SSR2: variants seen among roughly 807,000 people sequenced by gnomAD.
The protein encoded by SSR2 is translocon-associated protein subunit beta.
In SSR2, 16 loss-of-function variants were observed where a neutral mutation model predicts 22.6. The ratio of observed to expected loss-of-function variants is 0.71; its 90% CI spans 0.48 to 1.08. SSR2 has a LOEUF of 1.08. Ranked by LOEUF, SSR2 falls within the 50% of genes least tolerant of loss-of-function variation. The probability of loss-of-function intolerance (pLI) is 0.00; values close to 1 mark genes in which losing one functional copy is unlikely to be tolerated. For missense variants in SSR2, 171 were observed against 221.6 expected (o/e 0.77, Z 1.45); for synonymous variants, 83 against 91.2 (o/e 0.91, Z 0.51).
At position 156,014,611 on chromosome 1, in the gene SSR2, G is replaced by A. The variant is rs575059354; in HGVS notation, c.363+350C>T. 5.5e-4 allele frequency: 99 copies of A among 178,834 alleles called. 1 individual carries two copies. The highest frequency in any genetic ancestry group is 2.3e-3 in the African/African-American group (95 of 41,970). The allele number at this position is 178,834 out of a possible 1,614,324, so 11.1% of individuals were successfully genotyped here. On this transcript the variant is annotated intron_variant, in intron 4 of 5. Transcript: ENST00000295702. The stretch of plus-strand genomic sequence containing the variant: ...GGCTGAAGTGCAGTAGTGTGATCTC[G>A]GCTCACTGCAACCTCTGCCTCCTGG...
In SSR2 at chr1:156,009,662, A is replaced by G; in HGVS notation, c.442-12T>C. ...GCTGCCCAGTCCAGCTGTAAAGGAA[A>G]ACAAAGACCTTGCTTAGAAGTCTGG... is the stretch of plus-strand genomic sequence containing the variant. On this transcript the variant is annotated splice_polypyrimidine_tract_variant and intron_variant, in intron 5 of 5. Coordinates refer to ENST00000295702, the MANE Select transcript of SSR2 (RefSeq NM_003145.4). 1 of 1,584,046 alleles carries G rather than the reference A, an allele frequency of 6.3e-7. No homozygotes were observed. Among genetic ancestry groups the G allele is most frequent in the Non-Finnish European group, 8.6e-7 (1 of 1,164,266 alleles).
At chr1:156,015,254 C>A (rs1459869042) in intron 3 of SSR2, among the ~76,000 whole-genome samples, 185 bp from the exon 4 acceptor site, 1 of 151,826 alleles carries the variant, frequency 6.6e-6, no homozygotes, top group Non-Finnish European at 1.5e-5. Flanking sequence ...GCCTGTAATC[C>A]TAGCACTTTG....
intron 2 of SSR2, chr1:156,019,303 G>A: frequency 2.3e-6 from 1 of 433,928 alleles, no homozygotes; most frequent in Non-Finnish European, 4.6e-6. Flanking sequence ...GGAACACAGT[G>A]AATACAGAGG....
chr1:156,009,723 C>A, intron 5 of SSR2, 73 bp from the exon 6 acceptor site: 1 of 1,012,736 alleles, frequency 9.9e-7, no homozygotes, highest in Non-Finnish European at 1.5e-6. Flanking sequence ...AAATATGAGT[C>A]CAATGAGAAA....
intron 2 of SSR2, among the ~76,000 whole-genome samples, chr1:156,019,614 A>G (rs910032910): frequency 4.6e-5 from 7 of 151,972 alleles, no homozygotes; most frequent in African/African-American, 1.7e-4. Context: ...CGATCTCCTG[A>G]CCTCCAGCAA....
At chr1:156,018,242 C>A (rs201268089) in intron 3 of SSR2, 28 bp downstream of exon 3, 81 of 1,584,724 alleles carry the variant, frequency 5.1e-5, no homozygotes, top group Non-Finnish European at 6.2e-5. Context: ...GCCCCCCGAC[C>A]CTTCATCACC....
At chr1:156,009,854 A>G (rs551355708) in intron 5 of SSR2, among the ~76,000 whole-genome samples, 111 of 152,044 alleles carry the variant, frequency 7.3e-4, no homozygotes, top group Non-Finnish European at 1.4e-3. Context: ...GCTCACTGCA[A>G]CCTCCGCCTC....
At position 156,011,858 on chromosome 1, in the gene SSR2, T is replaced by A; in HGVS notation, c.393A>T (p.Gly131=). The A allele has an allele frequency of 1.2e-6, 2 of 1,613,992 alleles. No homozygotes were observed. Among genetic ancestry groups the A allele is most frequent in the Non-Finnish European group, 1.7e-6 (2 of 1,179,942 alleles). Residue 131 remains glycine (G), a synonymous_variant, in exon 5 of 6, where the codon GGA becomes GGT. Coordinates refer to ENST00000295702, the MANE Select transcript of SSR2 (RefSeq NM_003145.4). Reference sequence around the variant, plus strand: ...CAAACTCCCGCTGAGCCAGGATTCCTCCCTGTCCAGGTGCACTGGTAGAGC... The same window carrying A: ...CAAACTCCCGCTGAGCCAGGATTCCACCCTGTCCAGGTGCACTGGTAGAGC... ...VIGSTSAPGQ[G]GILAQREFDR...
chr1:156,020,332 C>T (rs1683129580), intron 1 of SSR2, 165 bp from the exon 2 acceptor site: 1 of 646,534 alleles, frequency 1.5e-6, no homozygotes, highest in Non-Finnish European at 2.6e-6. Flanking sequence ...TCCAGACTCT[C>T]CTACCATCTT....
At chr1:156,009,720 A>C (rs1390609415) in intron 5 of SSR2, 70 bp from the exon 6 acceptor site, 15 of 1,023,602 alleles carry the variant, frequency 1.5e-5, no homozygotes, top group Non-Finnish European at 2.2e-5. Flanking sequence ...GGAAAATATG[A>C]GTCCAATGAG....
chr1:156,017,737 A>G (rs1683078382), intron 3 of SSR2, among the ~76,000 whole-genome samples: 1 of 54,560 alleles, frequency 1.8e-5, no homozygotes, highest in African/African-American at 5.0e-5. Context: ...AGTATGTTTC[A>G]GGTTTTTTTT....
Position 156,020,923 on chromosome 1 carries a change from G to C in SSR2, c.-36C>G, listed in dbSNP as rs952338015. On this transcript the variant is annotated 5_prime_UTR_variant, in exon 1 of 6. Coordinates refer to ENST00000295702, the MANE Select transcript of SSR2 (RefSeq NM_003145.4). ...CCAAACGCCTTTCCGGAGCCACAAA[G>C]ACAGGAAGAGAGCGTCAGCATCCGA... 5 of 471,156 alleles carry C rather than the reference G, an allele frequency of 1.1e-5. No homozygotes were observed. The highest frequency in any genetic ancestry group is 2.2e-5 in the Non-Finnish European group (5 of 226,986). 29.2% of individuals were successfully genotyped at this position (471,156 alleles called of 1,614,324 possible). A position where few individuals can be genotyped will look rare whatever the true frequency, so the allele number is the denominator to read the frequency against.
rs577576720 is a variant in SSR2 at position 156,011,798 on chromosome 1, T to C, written c.441+12A>G. 5 of 1,611,624 alleles carry C rather than the reference T, an allele frequency of 3.1e-6. No individual in the cohort carries two copies. In the African/African-American group the frequency reaches 6.7e-5, roughly 21 times the overall value. On this transcript the variant is annotated intron_variant, in intron 5 of 5. Transcript: ENST00000295702. Reference sequence around the variant, plus strand: ...CCAAGGAACTGATGAGAGAGAACACTAGAAAGCTTACAAAATGAGGGGAGA... The same window carrying C: ...CCAAGGAACTGATGAGAGAGAACACCAGAAAGCTTACAAAATGAGGGGAGA...
At chr1:156,017,201 C>T (rs879805142) in intron 3 of SSR2, among the ~76,000 whole-genome samples, 5 of 152,090 alleles carry the variant, frequency 3.3e-5, no homozygotes, top group Admixed American at 2.0e-4. Context: ...CATGTGCCAC[C>T]GCACCTGGCT....
intron 3 of SSR2, among the ~76,000 whole-genome samples, chr1:156,015,370 G>A (rs1683036420): frequency 6.6e-6 from 1 of 151,158 alleles, no homozygotes; most frequent in Non-Finnish European, 1.5e-5. Flanking sequence ...AGCTGGGCAT[G>A]GCAGCATGCG....
chr1:156,019,121 G>A (rs1443559400), intron 2 of SSR2: 4 of 243,742 alleles, frequency 1.6e-5, no homozygotes, highest in African/African-American at 6.7e-5. Context: ...CAAAAGATAT[G>A]AGTAATATAG....
At chr1:156,015,563 T>C (rs1683043555) in intron 3 of SSR2, among the ~76,000 whole-genome samples, 1 of 128,838 alleles carries the variant, frequency 7.8e-6, no homozygotes, top group African/African-American at 2.9e-5. Flanking sequence ...TATATAGGCT[T>C]CTTTTTAAAA....
intron 3 of SSR2, among the ~76,000 whole-genome samples, chr1:156,017,243 ACCAT>A (rs1247897509): frequency 6.6e-6 from 1 of 152,204 alleles, no homozygotes; most frequent in African/African-American, 2.4e-5. Context: ...GAAGAAAAAT[ACCAT>A]CTAATTCAAT....
intron 3 of SSR2, 173 bp downstream of exon 3, chr1:156,018,097 C>T: frequency 3.7e-6 from 2 of 546,854 alleles, no homozygotes; most frequent in Non-Finnish European, 6.6e-6. Context: ...TTCTTCATGT[C>T]TACTCTAAAT....
Sources: gnomAD v4.1 joint callset for allele counts (sites outside exome capture counted in the v4.1 genomes callset) on GRCh38, gnomAD v4.1.1 for gene constraint, MANE v1.5 for transcripts, NCBI Gene and HGNC (gene_info 2026-07-23, HGNC 2026-07-21) for gene names.